Variants in SEMA7A observed in about 807,000 individuals in gnomAD.
SEMA7A encodes semaphorin-7A.
Under a neutral mutation model 67.5 loss-of-function variants are expected in SEMA7A, and 21 were observed. The ratio of observed to expected loss-of-function variants is 0.31; its 90% CI spans 0.22 to 0.45. The LOEUF (loss-of-function observed/expected upper bound fraction) is 0.45, where lower values mean the gene tolerates loss of function less well. Among genes scored for constraint, SEMA7A ranks in the 20% least tolerant of loss-of-function variants. The pLI is 1.00. For synonymous variants in SEMA7A, 364 were observed against 368.5 expected, an observed-to-expected ratio of 0.99 and a Z score of 0.14; for missense variants, 774 against 908.6, an observed-to-expected ratio of 0.85 and a Z score of 1.90.
intron 7 of SEMA7A, among the ~76,000 whole-genome samples, 163 bp downstream of exon 7, chr15:74,416,412 C>T (rs967400495): frequency 6.6e-6 from 1 of 152,152 alleles, no homozygotes; most frequent in African/African-American, 2.4e-5. Flanking sequence ...CACACACAGA[C>T]ACATGATGCT....
In SEMA7A at chr15:74,410,953, G is replaced by T; in HGVS notation, c.1672C>A (p.Pro558Thr). Reference protein sequence around the residue: ...KAPLQKVSLAPNSRYYLSCPM... With the variant: ...KAPLQKVSLATNSRYYLSCPM... Reference sequence around the variant, plus strand: ...CAGCTCAGGTAGTAGCGAGAGTTTGGGGCCAGGGAAACCTTCTGCAGTGGG... The same window carrying T: ...CAGCTCAGGTAGTAGCGAGAGTTTGTGGCCAGGGAAACCTTCTGCAGTGGG... Residue 558 changes from proline to threonine, a missense_variant, in exon 14 of 14, where the codon CCA becomes ACA. Around this residue, in one of 2 missense-constraint regions of SEMA7A, gnomAD observed 427 missense variants for 555.4 expected, o/e 0.77. Coordinates refer to ENST00000261918, the MANE Select transcript of SEMA7A (RefSeq NM_003612.5). The surrounding 1 kb of genome is among the most constrained non-coding windows in gnomAD (Gnocchi z 7.5). 4 of 1,613,886 alleles carry T rather than the reference G, an allele frequency of 2.5e-6. No homozygotes were observed. Among genetic ancestry groups the T allele is most frequent in the Non-Finnish European group, 3.4e-6 (4 of 1,179,954 alleles).
intron 10 of SEMA7A, among the ~76,000 whole-genome samples, chr15:74,413,495 T>C (rs886760923): frequency 4.6e-5 from 7 of 152,176 alleles, no homozygotes; most frequent in African/African-American, 1.7e-4. Flanking sequence ...TTGTCCTAGC[T>C]CCTGCTCCCA....
At chr15:74,427,834 C>T (rs1448969242) in intron 1 of SEMA7A, among the ~76,000 whole-genome samples, 1 of 152,230 alleles carries the variant, frequency 6.6e-6, no homozygotes, top group Non-Finnish European at 1.5e-5. Flanking sequence ...CCCTACTTCA[C>T]AGGCAGAAGA....
chr15:74,419,315 AG>A (rs2060979687), intron 1 of SEMA7A, among the ~76,000 whole-genome samples: 1 of 152,136 alleles, frequency 6.6e-6, no homozygotes, highest in African/African-American at 2.4e-5. Context: ...CTAAGGCAGG[AG>A]GACCAGGGCT....
intron 1 of SEMA7A, 152 bp from the exon 2 acceptor site, chr15:74,419,104 T>C (rs2060977976): frequency 1.2e-6 from 1 of 858,882 alleles, no homozygotes; most frequent in Admixed American, 2.8e-5. Flanking sequence ...GTACCCAGAC[T>C]CAGAGAGTCA....
At chr15:74,427,123 G>T in intron 1 of SEMA7A, 2 of 694,618 alleles carry the variant, frequency 2.9e-6, no homozygotes, top group Non-Finnish European at 3.5e-6. Flanking sequence ...AAGTATTCCA[G>T]ACTGCTCCAG....
In SEMA7A at chr15:74,412,082, C is replaced by T. The variant is rs540477152; in HGVS notation, c.1295-70G>A. The T allele has an allele frequency of 3.7e-4, 501 of 1,358,498 alleles. 4 individuals are homozygous for T. In the South Asian group the frequency reaches 5.7e-3, roughly 15 times the overall value. 84.2% of individuals were successfully genotyped at this position (1,358,498 alleles called of 1,614,324 possible). On this transcript the variant is annotated intron_variant, in intron 10 of 13. Transcript: ENST00000261918. ...GGGGCCAGGCAGCTTTCCTCTAGGCCGGGGAGGGGTGGGAAGTCACAACTC... is the reference window on the plus strand; with the variant it reads ...GGGGCCAGGCAGCTTTCCTCTAGGCTGGGGAGGGGTGGGAAGTCACAACTC...
intron 1 of SEMA7A, among the ~76,000 whole-genome samples, chr15:74,425,195 T>C (rs1311672420): frequency 6.6e-6 from 1 of 152,210 alleles, no homozygotes; most frequent in Non-Finnish European, 1.5e-5. Context: ...ATGACGACGA[T>C]GATGATGCCC....
chr15:74,416,526 C>T (rs1272355620), intron 7 of SEMA7A, 49 bp downstream of exon 7: 11 of 1,596,094 alleles, frequency 6.9e-6, no homozygotes, highest in Admixed American at 1.7e-5. Context: ...CTCACTCAGG[C>T]CTATTCATGC....
At position 74,415,826 on chromosome 15, in the gene SEMA7A, C is replaced by A. The variant is rs774332717; in HGVS notation, c.961G>T (p.Val321Phe). Residue 321 changes from valine (V) to phenylalanine (F), a missense_variant, in exon 8 of 14, where the codon GTC becomes TTC. By Grantham distance (50) the Val-to-Phe change is conservative (BLOSUM62 -1). Around this residue, in one of 2 missense-constraint regions of SEMA7A, gnomAD observed 427 missense variants for 555.4 expected, o/e 0.77. Coordinates refer to ENST00000261918, the MANE Select transcript of SEMA7A (RefSeq NM_003612.5). ...DPSGQWRDTRVYGVFSNPWNY... is the reference protein window; with the variant it reads ...DPSGQWRDTRFYGVFSNPWNY... ...CAGGGGTTGGAGAAAACACCATAGA[C>A]CCTGGTGTCCCTCCACTGGCCGCTG... The A allele has an allele frequency of 1.9e-6, 3 of 1,613,762 alleles. No homozygotes were observed. Among genetic ancestry groups the A allele is most frequent in the Non-Finnish European group, 1.7e-6 (2 of 1,179,820 alleles).
chr15:74,424,873 G>A (rs1050435966), intron 1 of SEMA7A, among the ~76,000 whole-genome samples: 4 of 152,222 alleles, frequency 2.6e-5, no homozygotes, highest in South Asian at 2.1e-4. Context: ...GAGTGGGGCC[G>A]AAGTCGCTGG....
chr15:74,416,667 C>T lies in SEMA7A; in HGVS notation c.709G>A (p.Asp237Asn), dbSNP rs140707085. The change falls in exon 7 of 14, where the codon GAT becomes AAT. Residue 237 changes from aspartate to asparagine, a missense_variant. By Grantham distance (23) the Asp-to-Asn change is conservative (BLOSUM62 1). This residue lies in a region of SEMA7A where 347 missense variants were observed against 353.2 expected (regional missense o/e 0.98). Coordinates refer to ENST00000261918, the MANE Select transcript of SEMA7A (RefSeq NM_003612.5). ...CGGAAGAAGTAGTAGATCTTGTCATCGTAAGCCTGGTCTTGGTGCACGATG... is the reference window on the plus strand; with the variant it reads ...CGGAAGAAGTAGTAGATCTTGTCATTGTAAGCCTGGTCTTGGTGCACGATG... ...ATIVHQDQAY[D>N]DKIYYFFRED... 342 of 1,613,974 alleles carry T rather than the reference C, an allele frequency of 2.1e-4. 1 individual carries two copies. Among genetic ancestry groups the T allele is most frequent in the Middle Eastern group, 9.9e-4 (6 of 6,078 alleles).
intron 1 of SEMA7A, among the ~76,000 whole-genome samples, chr15:74,419,428 C>A (rs8025655): frequency 6.4e-4 from 98 of 152,070 alleles, no homozygotes; most frequent in African/African-American, 2.2e-3. Flanking sequence ...TCAAGCACCC[C>A]CCTTGGAGTC....
Position 74,414,980 on chromosome 15 carries a change from C to T in SEMA7A, c.987-34G>A, listed in dbSNP as rs555110496. Reference sequence around the variant, plus strand: ...ACATGGAGACCAGCTCAATGGGGGGCCCAGAACCCACCCATCCACCTCCAC... The same window carrying T: ...ACATGGAGACCAGCTCAATGGGGGGTCCAGAACCCACCCATCCACCTCCAC... On this transcript the variant is annotated intron_variant, in intron 8 of 13. Transcript: ENST00000261918. This position sits in a 1 kb window ranked among gnomAD's most constrained non-coding sequence, Gnocchi z 4.1. 1.1e-4 allele frequency: 176 copies of T among 1,566,530 alleles called. 2 individuals carry two copies. In the South Asian group the frequency reaches 1.8e-3, roughly 16 times the overall value.
At chr15:74,425,204 C>T (rs558762118) in intron 1 of SEMA7A, among the ~76,000 whole-genome samples, 26 of 152,176 alleles carry the variant, frequency 1.7e-4, no homozygotes, top group Non-Finnish European at 3.5e-4. Flanking sequence ...ATGATGATGC[C>T]CCTACCACCC....
chr15:74,433,669 G>A (rs948148599), intron 1 of SEMA7A, 72 bp downstream of exon 1: 130 of 1,352,602 alleles, frequency 9.6e-5, no homozygotes, highest in Non-Finnish European at 1.0e-4. Context: ...CTCCCTCCGG[G>A]TGCAGCACAC....
intron 1 of SEMA7A, among the ~76,000 whole-genome samples, chr15:74,421,864 G>C (rs898902897): frequency 6.6e-6 from 1 of 152,194 alleles, no homozygotes; most frequent in African/African-American, 2.4e-5. Context: ...GCAAGGCCAG[G>C]GGCTACCCCT....
At chr15:74,418,015 G>GA (rs2060967242) in intron 3 of SEMA7A, 46 bp from the exon 4 acceptor site, 1 of 1,595,288 alleles carries the variant, frequency 6.3e-7, no homozygotes, top group Non-Finnish European at 8.6e-7. Flanking sequence ...GTTGCTGGAA[G>GA]GCCCTGGCAA....
chr15:74,415,835 C>T lies in SEMA7A; in HGVS notation c.952G>A (p.Asp318Asn), dbSNP rs1231449522. Residue 318 changes from aspartate to asparagine, a missense_variant, in exon 8 of 14, where the codon GAC becomes AAC. Transcript: ENST00000261918. ...GAGAAAACACCATAGACCCTGGTGT[C>T]CCTCCACTGGCCGCTGGGGTCAGGG... ...LLPDPSGQWR[D>N]TRVYGVFSNP... 6.2e-7 allele frequency: 1 copy of T among 1,613,922 alleles called. No homozygotes were observed. Among genetic ancestry groups the T allele is most frequent in the Admixed American group, 1.7e-5 (1 of 60,012 alleles).
Sources: gnomAD v4.1 joint callset for allele counts (sites outside exome capture counted in the v4.1 genomes callset) on GRCh38, gnomAD v4.1.1 for gene constraint, gnomAD v4.1.1 regional missense constraint, Gnocchi (gnomAD v3.1) non-coding constraint, MANE v1.5 for transcripts, NCBI Gene and HGNC (gene_info 2026-07-23, HGNC 2026-07-21) for gene names.